Variants in SLC16A7 observed in about 807,000 individuals in gnomAD.
The protein encoded by SLC16A7 is monocarboxylate transporter 2.
A neutral mutation model predicts 34.9 loss-of-function variants in SLC16A7; 33 were observed. The observed-to-expected ratio is 0.94, with a 90% CI of 0.72 to 1.26. The LOEUF (loss-of-function observed/expected upper bound fraction) is 1.26, where lower values mean the gene tolerates loss of function less well. Among genes scored for constraint, SLC16A7 ranks in the 50% most tolerant of loss-of-function variants. The pLI is 0.00. For synonymous variants in SLC16A7, 201 were observed against 206.6 expected (o/e 0.97, Z 0.23); for missense variants, 573 against 578.1 (o/e 0.99, Z 0.09).
chr12:59,713,255 G>A (rs1278799889), intron 3 of SLC16A7, among the ~76,000 whole-genome samples: 1 of 151,930 alleles, frequency 6.6e-6, no homozygotes, highest in African/African-American at 2.4e-5. Context: ...CCCAACCTCA[G>A]GTGTTCCACC....
rs181052381 is a variant in SLC16A7 at position 59,655,968 on chromosome 12, A to G, written c.-31+718A>G. ...TGTAGACTGTTCTTATAACTAGTCTATACTCTTTCAAATGAATGTAACCAA... is the reference window on the plus strand; with the variant it reads ...TGTAGACTGTTCTTATAACTAGTCTGTACTCTTTCAAATGAATGTAACCAA... On this transcript the variant is annotated intron_variant, in intron 2 of 5. Transcript: ENST00000547379. Among the ~76,000 whole-genome samples, 69 of 152,178 alleles carry G rather than the reference A, an allele frequency of 4.5e-4. 6 individuals are homozygous for G. In the South Asian group the frequency reaches 7.0e-3, roughly 16 times the overall value.
At chr12:59,719,972 A>G (rs1394429813) in intron 3 of SLC16A7, 2 of 627,960 alleles carry the variant, frequency 3.2e-6, no homozygotes, top group South Asian at 1.9e-5. Flanking sequence ...TAAATATTGG[A>G]AACAGGATGC....
chr12:59,702,958 T>A (rs1311144616), intron 2 of SLC16A7, among the ~76,000 whole-genome samples: 1 of 151,958 alleles, frequency 6.6e-6, no homozygotes, highest in Non-Finnish European at 1.5e-5. Flanking sequence ...TTGTCACATT[T>A]AAAAAATAGA....
Position 59,774,808 on chromosome 12 carries a change from T to C in SLC16A7, c.513T>C (p.Thr171=), listed in dbSNP as rs1364925143. The C allele has an allele frequency of 6.2e-7, 1 of 1,613,864 alleles. No individual in the cohort carries two copies. Among genetic ancestry groups the C allele is most frequent in the Non-Finnish European group, 8.5e-7 (1 of 1,179,974 alleles). Reference sequence around the variant, plus strand: ...CTTTCAATCAGTACCTTTTTAATACTTTTGGCTGGAAAGGAAGCTTCCTGA... The same window carrying C: ...CTTTCAATCAGTACCTTTTTAATACCTTTGGCTGGAAAGGAAGCTTCCTGA... ...LAPFNQYLFN[T]FGWKGSFLIL... is the part of the protein sequence containing the mutation. The change falls in exon 5 of 6, where the codon ACT becomes ACC. Residue 171 remains threonine, a synonymous_variant. Coordinates refer to ENST00000547379, the MANE Select transcript of SLC16A7 (RefSeq NM_001270623.2).
chr12:59,600,464 T>C (rs1042226375), intron 1 of SLC16A7, among the ~76,000 whole-genome samples: 2 of 144,822 alleles, frequency 1.4e-5, no homozygotes, highest in African/African-American at 2.6e-5. Flanking sequence ...TAATGGAACT[T>C]TTTTTTTTTT....
chr12:59,760,793 TA>T (rs1880931823), intron 3 of SLC16A7, among the ~76,000 whole-genome samples: 1 of 152,052 alleles, frequency 6.6e-6, no homozygotes, highest in South Asian at 2.1e-4. Context: ...GTGCACAATT[TA>T]AAACTTATGA....
intron 2 of SLC16A7, among the ~76,000 whole-genome samples, chr12:59,686,095 C>A (rs923948294): frequency 1.1e-5 from 1 of 93,522 alleles, no homozygotes; most frequent in Admixed American, 1.2e-4. Context: ...AAGAACTTTT[C>A]TTTTTTTTTT....
chr12:59,711,001 G>A (rs1874164037), intron 3 of SLC16A7, among the ~76,000 whole-genome samples: 1 of 152,192 alleles, frequency 6.6e-6, no homozygotes, highest in Non-Finnish European at 1.5e-5. Flanking sequence ...CAAGGAAGAT[G>A]TCTACCAACA....
intron 3 of SLC16A7, chr12:59,736,015 T>C (rs1375687818): frequency 1.9e-5 from 12 of 647,516 alleles, no homozygotes; most frequent in Non-Finnish European, 2.6e-5. Flanking sequence ...AGAAACATTA[T>C]TTTAATGTAT....
intron 3 of SLC16A7, among the ~76,000 whole-genome samples, chr12:59,720,399 A>T (rs147814721): frequency 1.5e-3 from 223 of 152,174 alleles, no homozygotes; most frequent in Non-Finnish European, 2.4e-3. Context: ...AGTAGGGTAA[A>T]CTTCTTGTAT....
At chr12:59,664,236 A>G (rs1162875895) in intron 2 of SLC16A7, among the ~76,000 whole-genome samples, 2 of 152,128 alleles carry the variant, frequency 1.3e-5, no homozygotes, top group East Asian at 3.9e-4. Context: ...TACCTAGAAT[A>G]TGAGAAGCAT....
chr12:59,618,396 C>A (rs1418454109), intron 1 of SLC16A7, among the ~76,000 whole-genome samples: 2 of 151,896 alleles, frequency 1.3e-5, no homozygotes, highest in East Asian at 3.9e-4. Flanking sequence ...CATGAGAGAC[C>A]TGTGAAATTA....
At position 59,774,891 on chromosome 12, in the gene SLC16A7, G is replaced by A. The variant is rs543696562; in HGVS notation, c.596G>A (p.Gly199Glu). The A allele has an allele frequency of 1.5e-5, 24 of 1,613,772 alleles. No homozygotes were observed. In the South Asian group the frequency reaches 2.5e-4, roughly 17 times the overall value. Residue 199 changes from glycine (G) to glutamate (E), a missense_variant, in exon 5 of 6, where the codon GGA becomes GAA. By Grantham distance (98) the Gly-to-Glu change is moderately conservative. Transcript: ENST00000547379. ...GCTGGTTCCCTCATGAGACCCCTTG[G>A]ACCCAATCAAACCACTTCTAAGTCT... is the stretch of plus-strand genomic sequence containing the variant. ...CVAGSLMRPL[G>E]PNQTTSKSKN...
intron 1 of SLC16A7, among the ~76,000 whole-genome samples, chr12:59,601,746 G>C (rs1447093228): frequency 6.6e-6 from 1 of 152,202 alleles, no homozygotes; most frequent in African/African-American, 2.4e-5. Flanking sequence ...GTTGGTGAAG[G>C]CCTCTTCTGG....
At position 59,781,695 on chromosome 12, in the gene SLC16A7, A is replaced by C. The variant is rs2137493136; in HGVS notation, c.*2016A>C. 1 of 152,568 alleles carries C rather than the reference A, an allele frequency of 6.6e-6. No individual in the cohort carries two copies. The highest frequency in any genetic ancestry group is 2.1e-4 in the South Asian group (1 of 4,826). The allele number at this position is 152,568 out of a possible 1,614,324, so 9.5% of individuals were successfully genotyped here. ...TTGAATTAGCTATGTTTATATTTTT[A>C]GTTCTTTTTTATTCAACTCAGATTT... On this transcript the variant is annotated 3_prime_UTR_variant, in exon 6 of 6. Transcript: ENST00000547379.
At chr12:59,684,125 G>A (rs75353784) in intron 2 of SLC16A7, among the ~76,000 whole-genome samples, 10,583 of 152,182 alleles carry the variant, frequency 0.07, 415 homozygotes, top group Middle Eastern at 0.15. Context: ...AGAAAATGAA[G>A]GAAATTTAGT....
At chr12:59,660,856 A>G (rs961021610) in intron 2 of SLC16A7, among the ~76,000 whole-genome samples, 3 of 152,176 alleles carry the variant, frequency 2.0e-5, no homozygotes, top group African/African-American at 7.2e-5. Flanking sequence ...CAGTAGATTT[A>G]ATGTTGCCTC....
At chr12:59,625,456 T>C (rs1299394343) in intron 1 of SLC16A7, among the ~76,000 whole-genome samples, 1 of 151,834 alleles carries the variant, frequency 6.6e-6, no homozygotes, top group Non-Finnish European at 1.5e-5. Flanking sequence ...TCAAGCTCTA[T>C]AGCCAGACTG....
At chr12:59,746,982 A>G (rs1435767494) in intron 3 of SLC16A7, among the ~76,000 whole-genome samples, 1 of 151,788 alleles carries the variant, frequency 6.6e-6, no homozygotes, top group Non-Finnish European at 1.5e-5. Flanking sequence ...ACAGGTGTGC[A>G]CCCCCATGCC....
Sources: gnomAD v4.1 joint callset for allele counts (sites outside exome capture counted in the v4.1 genomes callset) on GRCh38, gnomAD v4.1.1 for gene constraint, MANE v1.5 for transcripts, NCBI Gene and HGNC (gene_info 2026-07-23, HGNC 2026-07-21) for gene names.